LRPPRC: variants seen among roughly 807,000 people sequenced by gnomAD.
LRPPRC encodes leucine rich pentatricopeptide repeat containing.
A neutral mutation model predicts 180.3 loss-of-function variants in LRPPRC; 120 were observed. The observed-to-expected ratio is 0.67, with a 90% CI of 0.57 to 0.77. The LOEUF (loss-of-function observed/expected upper bound fraction) is 0.77, where lower values mean the gene tolerates loss of function less well. Ranked by LOEUF, LRPPRC falls within the 30% of genes least tolerant of loss-of-function variation. LRPPRC has a pLI of 0.00. For missense variants in LRPPRC, 2,012 were observed against 1,657.2 expected (o/e 1.21, Z -3.72); for synonymous variants, 723 against 600.0 (o/e 1.21, Z -3.00).
rs193061292 is a variant in LRPPRC at position 43,912,312 on chromosome 2, T to C, written c.3275+120A>G. On this transcript the variant is annotated intron_variant, in intron 30 of 37. Transcript: ENST00000260665. ...AGTTAACCATTTCATATGATTTTTA[T>C]GGGTAGCTGAGGCCAATCAAGCAAT... 3.0e-4 allele frequency: 246 copies of C among 832,362 alleles called. 2 individuals are homozygous for C. In the East Asian group the frequency reaches 5.7e-3, roughly 19 times the overall value. 51.6% of individuals were successfully genotyped at this position (832,362 alleles called of 1,614,324 possible).
intron 37 of LRPPRC, 38 bp downstream of exon 37, chr2:43,889,696 G>T (rs746931025): frequency 2.3e-4 from 341 of 1,493,598 alleles, no homozygotes; most frequent in Non-Finnish European, 2.8e-4. Context: ...ACATAAATCT[G>T]CAGAGGTATT....
At chr2:43,987,153 C>T (rs899519420) in intron 1 of LRPPRC, among the ~76,000 whole-genome samples, 1 of 152,088 alleles carries the variant, frequency 6.6e-6, no homozygotes, top group African/African-American at 2.4e-5. Flanking sequence ...TGGAGCCTCC[C>T]GAGTTTTAAA....
chr2:43,974,394 C>A (rs920286560), intron 8 of LRPPRC, 99 bp from the exon 9 acceptor site: 61 of 935,506 alleles, frequency 6.5e-5, no homozygotes, highest in Non-Finnish European at 1.0e-4. Flanking sequence ...GAATTGCAAA[C>A]ATCAAAAGCA....
intron 27 of LRPPRC, among the ~76,000 whole-genome samples, chr2:43,924,397 C>A (rs1671804014): frequency 6.6e-6 from 1 of 151,952 alleles, no homozygotes; most frequent in African/African-American, 2.4e-5. Flanking sequence ...AGATTTCAGC[C>A]TCAAAAAACA....
At chr2:43,976,842 T>C (rs934580529) in intron 5 of LRPPRC, 152 bp downstream of exon 5, 5 of 646,562 alleles carry the variant, frequency 7.7e-6, no homozygotes, top group African/African-American at 7.4e-5. Flanking sequence ...TTTTATATTT[T>C]ATGTAAGTCA....
chr2:43,890,574 G>A (rs186429534), intron 36 of LRPPRC, among the ~76,000 whole-genome samples: 215 of 152,232 alleles, frequency 1.4e-3, no homozygotes, highest in Admixed American at 6.0e-3. Flanking sequence ...TTAGCCGGGC[G>A]TGGTGGCGGG....
chr2:43,925,435 AG>A (rs1023100288), intron 26 of LRPPRC, among the ~76,000 whole-genome samples: 4 of 152,206 alleles, frequency 2.6e-5, no homozygotes, highest in Admixed American at 6.5e-5. Flanking sequence ...ACTAATTCAA[AG>A]GTATCTGGGT....
At position 43,889,760 on chromosome 2, in the gene LRPPRC, C is replaced by A. The variant is rs766892357; in HGVS notation, c.4102G>T (p.Glu1368Ter). The change falls in exon 37 of 38, where the codon GAG (glutamate) becomes TAG (stop). Residue 1368 changes from glutamate (E) to a stop codon, truncating the protein, a stop_gained. Coordinates refer to ENST00000260665, the MANE Select transcript of LRPPRC (RefSeq NM_133259.4). LOFTEE classifies it high-confidence loss of function. ...GGGGGTTCAATGAAAGGGACAGGCT[C>A]TCCAGCATACTTCAGCAAAGATGCG... ...RYASLLKYAG[E>*]PVPFIEPPES... is the part of the protein sequence containing the mutation. 1 of 1,613,336 alleles carries A rather than the reference C, an allele frequency of 6.2e-7. No individual in the cohort carries two copies. Among genetic ancestry groups the A allele is most frequent in the African/African-American group, 1.3e-5 (1 of 74,906 alleles).
intron 26 of LRPPRC, among the ~76,000 whole-genome samples, chr2:43,925,482 A>G (rs1342377824): frequency 6.6e-6 from 1 of 152,180 alleles, no homozygotes; most frequent in Admixed American, 6.5e-5. Flanking sequence ...CGTTAACAAA[A>G]ATACTTCCCC....
At chr2:43,930,635 T>C (rs1396116018) in intron 25 of LRPPRC, among the ~76,000 whole-genome samples, 1 of 152,198 alleles carries the variant, frequency 6.6e-6, no homozygotes, top group African/African-American at 2.4e-5. Flanking sequence ...AATCATAATT[T>C]ACATCTTTAC....
At chr2:43,930,155 A>T (rs1274102299) in intron 25 of LRPPRC, among the ~76,000 whole-genome samples, 1 of 152,114 alleles carries the variant, frequency 6.6e-6, no homozygotes, top group Non-Finnish European at 1.5e-5. Context: ...AAGCCATCAA[A>T]AGAGAGTTTT....
chr2:43,890,389 A>C lies in LRPPRC; in HGVS notation c.3986-513T>G, dbSNP rs546848887. On this transcript the variant is annotated intron_variant, in intron 36 of 37. Transcript: ENST00000260665. ...TATTGTAAAATAAACAAATATGGAAAGTATAGTTAGCTACAATGATACACA... is the reference window on the plus strand; with the variant it reads ...TATTGTAAAATAAACAAATATGGAACGTATAGTTAGCTACAATGATACACA... The C allele has an allele frequency of 1.6e-4, 73 of 469,336 alleles. 1 individual carries two copies. Among genetic ancestry groups the C allele is most frequent in the African/African-American group, 1.3e-3 (66 of 50,072 alleles). The allele number at this position is 469,336 out of a possible 1,614,324, so 29.1% of individuals were successfully genotyped here.
rs562151906 is a variant in LRPPRC, at chr2:43,913,711, A to G, written c.3149-1153T>C. 4.5e-4 allele frequency among the ~76,000 whole-genome samples: 69 copies of G among 152,354 alleles called. 1 individual carries two copies. The highest frequency in any genetic ancestry group is 1.6e-3 in the African/African-American group (68 of 41,596). On this transcript the variant is annotated intron_variant, in intron 29 of 37. Coordinates refer to ENST00000260665, the MANE Select transcript of LRPPRC (RefSeq NM_133259.4). ...GCAGAGATTTATCACATTTCAAGTC[A>G]GTCTTCCATAGAACAGTCCCTGTTA...
At chr2:43,945,893 A>G (rs1672663239) in intron 21 of LRPPRC, among the ~76,000 whole-genome samples, 1 of 152,116 alleles carries the variant, frequency 6.6e-6, no homozygotes, top group Non-Finnish European at 1.5e-5. Context: ...TTTGGTTCTA[A>G]GGACTAGAAT....
intron 1 of LRPPRC, among the ~76,000 whole-genome samples, chr2:43,986,187 A>G (rs901209728): frequency 6.6e-6 from 1 of 152,082 alleles, no homozygotes; most frequent in Non-Finnish European, 1.5e-5. Flanking sequence ...CTGGAGTACA[A>G]TGGCGCGACC....
Position 43,918,298 on chromosome 2 carries a change from G to T in LRPPRC, c.2997C>A (p.Ile999=), listed in dbSNP as rs1278542435. The T allele has an allele frequency of 1.2e-6, 2 of 1,612,122 alleles. No individual in the cohort carries two copies. The highest frequency in any genetic ancestry group is 1.7e-6 in the Non-Finnish European group (2 of 1,178,414). ...REKTLRLLAE[I]LREGNQEVPF... is the part of the protein sequence containing the mutation. ...GAACTTCCTGGTTACCCTCTCTAAG[G>T]ATTTCTGCTAATAATCTTAATGTCT... Residue 999 remains isoleucine (I), a synonymous_variant, in exon 28 of 38, where the codon ATC becomes ATA. Transcript: ENST00000260665.
intron 14 of LRPPRC, among the ~76,000 whole-genome samples, chr2:43,952,211 C>A (rs927365830): frequency 2.0e-5 from 3 of 151,468 alleles, no homozygotes; most frequent in African/African-American, 4.8e-5. Flanking sequence ...AAAAAAAAAA[C>A]AACTGGATAT....
At chr2:43,930,655 T>C (rs999639154) in intron 25 of LRPPRC, among the ~76,000 whole-genome samples, 3 of 152,116 alleles carry the variant, frequency 2.0e-5, no homozygotes, top group African/African-American at 4.8e-5. Flanking sequence ...CCTACTTTGG[T>C]TTTCAGATGA....
Position 43,918,018 on chromosome 2 carries a change from T to G in LRPPRC, c.3148+7A>C. 3 of 1,280,414 alleles carry G rather than the reference T, an allele frequency of 2.3e-6. No homozygotes were observed. Among genetic ancestry groups the G allele is most frequent in the Non-Finnish European group, 2.2e-6 (2 of 905,638 alleles). 79.3% of individuals were successfully genotyped at this position (1,280,414 alleles called of 1,614,324 possible). A position where few individuals can be genotyped will look rare whatever the true frequency, so the allele number is the denominator to read the frequency against. ...CCACACACACCCCCATCCCCGTATG[T>G]GCTTGCCTTTTTTTTGGTTCAATCG... On this transcript the variant is annotated splice_region_variant and intron_variant, in intron 29 of 37. Coordinates refer to ENST00000260665, the MANE Select transcript of LRPPRC (RefSeq NM_133259.4).
Sources: gnomAD v4.1 joint callset for allele counts (sites outside exome capture counted in the v4.1 genomes callset) on GRCh38, gnomAD v4.1.1 for gene constraint, MANE v1.5 for transcripts, NCBI Gene and HGNC (gene_info 2026-07-23, HGNC 2026-07-21) for gene names.